Variants in MAML2 observed in about 807,000 individuals in gnomAD.
MAML2 encodes mastermind like transcriptional coactivator 2.
Under a neutral mutation model 96.1 loss-of-function variants are expected in MAML2, and 22 were observed. The observed-to-expected ratio is 0.23, with a 90% CI of 0.16 to 0.33. MAML2 has a LOEUF of 0.33. MAML2 is among the 10% of genes least tolerant of loss of function. The probability of loss-of-function intolerance (pLI) is 1.00; values close to 1 mark genes in which losing one functional copy is unlikely to be tolerated. For synonymous variants in MAML2, 561 were observed against 521.3 expected (o/e 1.08, Z -1.04); for missense variants, 1,367 against 1,392.4 (o/e 0.98, Z 0.29).
chr11:96,202,498 C>A (rs1034922551), intron 1 of MAML2, among the ~76,000 whole-genome samples: 4 of 152,100 alleles, frequency 2.6e-5, no homozygotes, highest in African/African-American at 9.7e-5. Flanking sequence ...CAATATAATT[C>A]TTCAAAGCCT....
chr11:95,997,328 TAA>T lies in MAML2; in HGVS notation c.2140-5607_2140-5606del, dbSNP rs745391137. 3.3e-5 allele frequency among the ~76,000 whole-genome samples: 5 copies of T among 152,152 alleles called. No individual in the cohort carries two copies. The East Asian group carries it at 7.7e-4, about 23-fold the overall frequency. On this transcript the variant is annotated intron_variant, in intron 2 of 4. Transcript: ENST00000524717. ...TGTGTGCATGCGCATTTGAGATTTT[TAA>T]AAGTCTTTTTATAGTATTAGTCCCT...
intron 1 of MAML2, among the ~76,000 whole-genome samples, chr11:96,284,035 G>A (rs1404452556): frequency 2.0e-5 from 3 of 151,878 alleles, no homozygotes; most frequent in African/African-American, 7.2e-5. Flanking sequence ...TTTTCTTTCA[G>A]TTCTCATCCT....
At position 96,312,219 on chromosome 11, in the gene MAML2, C is replaced by CAAAAAAAAAAAAAA. The variant is rs34658278; in HGVS notation, c.513+29150_513+29163dup. 3.9e-3 allele frequency among the ~76,000 whole-genome samples: 202 copies of CAAAAAAAAAAAAAA among 51,554 alleles called. 6 individuals are homozygous for CAAAAAAAAAAAAAA. Among genetic ancestry groups the CAAAAAAAAAAAAAA allele is most frequent in the African/African-American group, 5.1e-3 (55 of 10,704 alleles). The allele number at this position is 51,554 out of a possible 152,430, so 33.8% of individuals were successfully genotyped here. Reference sequence around the variant, plus strand: ...TGGGCGACAGAGCAAGACTCTATCTCAAAAAAAAAAAAAAAAAAAAAAAAA... The same window carrying CAAAAAAAAAAAAAA: ...TGGGCGACAGAGCAAGACTCTATCTCAAAAAAAAAAAAAAAAAAAAAAAAAAAAAAAAAAAAAAA... On this transcript the variant is annotated intron_variant, in intron 1 of 4. Coordinates refer to ENST00000524717, the MANE Select transcript of MAML2 (RefSeq NM_032427.4).
chr11:96,124,096 CAAAAAAAAA>C (rs11464319), intron 1 of MAML2, among the ~76,000 whole-genome samples: 1 of 96,382 alleles, frequency 1.0e-5, no homozygotes, highest in Non-Finnish European at 1.9e-5. Flanking sequence ...AACTCTGTCT[CAAAAAAAAA>C]AAAAAAAAAA....
chr11:96,054,486 AGGAGGGGTTCCTTTATCCAT>A (rs1021505762), intron 2 of MAML2, among the ~76,000 whole-genome samples: 1 of 152,218 alleles, frequency 6.6e-6, no homozygotes, highest in Non-Finnish European at 1.5e-5. Context: ...GGACAGTTTA[AGGAGGGGTTCCTTTATCCAT>A]GGGTTCTTCC....
intron 2 of MAML2, among the ~76,000 whole-genome samples, chr11:96,073,415 G>T (rs925298687): frequency 6.6e-6 from 1 of 150,516 alleles, no homozygotes; most frequent in Non-Finnish European, 1.5e-5. Context: ...CCACCTCTCG[G>T]ATTCACACCA....
At chr11:96,275,952 T>G (rs557137) in intron 1 of MAML2, among the ~76,000 whole-genome samples, 129,276 of 152,052 alleles carry the variant, frequency 0.85, 55,222 homozygotes, top group African/African-American at 0.91. Flanking sequence ...CATTCCTTCA[T>G]CAAGAGGGTT....
intron 1 of MAML2, among the ~76,000 whole-genome samples, chr11:96,261,251 C>G (rs1862745223): frequency 6.6e-6 from 1 of 152,012 alleles, no homozygotes; most frequent in Admixed American, 6.6e-5. Context: ...CGCTCAGCCC[C>G]CTCCGCCACG....
intron 1 of MAML2, among the ~76,000 whole-genome samples, chr11:96,223,027 T>C (rs762151298): frequency 2.0e-5 from 3 of 152,144 alleles, no homozygotes; most frequent in Non-Finnish European, 4.4e-5. Context: ...ATTTTTATTT[T>C]TACTTTACAT....
At chr11:96,185,670 T>TGATTAAGCAA (rs1475979915) in intron 1 of MAML2, among the ~76,000 whole-genome samples, 2 of 152,296 alleles carry the variant, frequency 1.3e-5, no homozygotes, top group African/African-American at 4.8e-5. Flanking sequence ...AATGAGAAGC[T>TGATTAAGCAA]GATTAAGCAA....
intron 1 of MAML2, among the ~76,000 whole-genome samples, chr11:96,191,787 C>A (rs1438052915): frequency 4.2e-4 from 53 of 126,228 alleles, no homozygotes; most frequent in Admixed American, 9.4e-4. Context: ...AAAAAAAAAA[C>A]CACAAAAGAA....
rs1324499026 is a variant in MAML2 at position 96,192,423 on chromosome 11, AATGCT to A, written c.514-98911_514-98907del. Among the ~76,000 whole-genome samples, 8 of 152,304 alleles carry A rather than the reference AATGCT, an allele frequency of 5.3e-5. No individual in the cohort carries two copies. In the East Asian group the frequency reaches 1.5e-3, roughly 29 times the overall value. ...GGAAGAAGGAGCCCATCAGGTGCAGAATGCTAGGTCAGGAGTTAATATCACTGGGA... is the reference window on the plus strand; with the variant it reads ...GGAAGAAGGAGCCCATCAGGTGCAGAAGGTCAGGAGTTAATATCACTGGGA... On this transcript the variant is annotated intron_variant, in intron 1 of 4. Transcript: ENST00000524717.
chr11:96,312,851 G>T (rs1177018338), intron 1 of MAML2, among the ~76,000 whole-genome samples: 1 of 152,164 alleles, frequency 6.6e-6, no homozygotes, highest in Non-Finnish European at 1.5e-5. Flanking sequence ...AGTTAGTTAG[G>T]AACTGTACTG....
intron 1 of MAML2, among the ~76,000 whole-genome samples, chr11:96,337,897 T>C (rs1243548185): frequency 6.6e-6 from 1 of 152,244 alleles, no homozygotes; most frequent in African/African-American, 2.4e-5. Flanking sequence ...ATGATTGTCC[T>C]CTCTGTTCCA....
chr11:96,088,746 GCT>G (rs1859657614), intron 2 of MAML2, among the ~76,000 whole-genome samples: 1 of 152,080 alleles, frequency 6.6e-6, no homozygotes, highest in African/African-American at 2.4e-5. Flanking sequence ...ATTTTATTAT[GCT>G]GCATCCATCT....
intron 2 of MAML2, among the ~76,000 whole-genome samples, chr11:96,043,042 C>A (rs1858841855): frequency 6.6e-6 from 1 of 152,166 alleles, no homozygotes; most frequent in Middle Eastern, 3.4e-3. Context: ...CACCACCCGG[C>A]GAATCCTTAA....
At chr11:96,285,274 C>T (rs1863123376) in intron 1 of MAML2, among the ~76,000 whole-genome samples, 1 of 152,102 alleles carries the variant, frequency 6.6e-6, no homozygotes, top group African/African-American at 2.4e-5. Flanking sequence ...ACTGGCTAGC[C>T]ATGTGCAGAA....
At chr11:96,326,318 T>C (rs1458711117) in intron 1 of MAML2, among the ~76,000 whole-genome samples, 1 of 151,768 alleles carries the variant, frequency 6.6e-6, no homozygotes, top group Non-Finnish European at 1.5e-5. Context: ...ACTTTTCAAA[T>C]GGTTGTAGCA....
chr11:96,100,344 C>T lies in MAML2; in HGVS notation c.514-6827G>A, dbSNP rs183811658. Among the ~76,000 whole-genome samples, 59 of 151,408 alleles carry T rather than the reference C, an allele frequency of 3.9e-4. 1 individual carries two copies. The highest frequency in any genetic ancestry group is 1.4e-3 in the African/African-American group (58 of 41,248). On this transcript the variant is annotated intron_variant, in intron 1 of 4. Coordinates refer to ENST00000524717, the MANE Select transcript of MAML2 (RefSeq NM_032427.4). ...TTTTTTCTTGAGATGGAGTCTCACT[C>T]TCTCGCCCAGGCTGGAGTGCAGTGG...
Sources: gnomAD v4.1 joint callset for allele counts (sites outside exome capture counted in the v4.1 genomes callset) on GRCh38, gnomAD v4.1.1 for gene constraint, MANE v1.5 for transcripts, NCBI Gene and HGNC (gene_info 2026-07-23, HGNC 2026-07-21) for gene names.